LPP: variants seen among roughly 807,000 people sequenced by gnomAD.
LPP encodes the protein LIM domain containing preferred translocation partner in lipoma.
In LPP, 38 loss-of-function variants were observed where a neutral mutation model predicts 60.4. The observed-to-expected ratio is 0.63, with a 90% CI of 0.49 to 0.83. The LOEUF is 0.83. Among genes scored for constraint, LPP ranks in the 40% least tolerant of loss-of-function variants. The pLI, the probability that LPP is intolerant of heterozygous loss-of-function variation, is 0.00. For missense variants in LPP, 902 were observed against 783.6 expected, an observed-to-expected ratio of 1.15 and a Z score of -1.80; for synonymous variants, 328 against 290.8, an observed-to-expected ratio of 1.13 and a Z score of -1.30.
At position 188,154,177 on chromosome 3, in the gene LPP, C is replaced by T; in HGVS notation, c.-265C>T. 4.6e-6 allele frequency: 1 copy of T among 217,264 alleles called. No homozygotes were observed. Among genetic ancestry groups the T allele is most frequent in the Non-Finnish European group, 8.9e-6 (1 of 112,902 alleles). The allele number at this position is 217,264 out of a possible 1,614,324, so 13.5% of individuals were successfully genotyped here. On this transcript the variant is annotated 5_prime_UTR_variant, in exon 1 of 12. Coordinates refer to ENST00000617246, the MANE Select transcript of LPP (RefSeq NM_001375462.1). Reference sequence around the variant, plus strand: ...CGGGCACCTCCTCCTCTGCCTCTGCCTCCGCCTCCAGCCGCCGCCGCCGCC... The same window carrying T: ...CGGGCACCTCCTCCTCTGCCTCTGCTTCCGCCTCCAGCCGCCGCCGCCGCC...
At chr3:188,499,861 AT>A (rs1203495956) in intron 5 of LPP, among the ~76,000 whole-genome samples, 1 of 151,846 alleles carries the variant, frequency 6.6e-6, no homozygotes, top group East Asian at 1.9e-4. Flanking sequence ...TTTGTCTTTT[AT>A]TTTTTGATGC....
chr3:188,717,793 T>G lies in LPP; in HGVS notation c.1240+9400T>G, dbSNP rs543647721. 4.6e-5 allele frequency among the ~76,000 whole-genome samples: 7 copies of G among 152,346 alleles called. No homozygotes were observed. In the East Asian group the frequency reaches 1.3e-3, roughly 29 times the overall value. On this transcript the variant is annotated intron_variant, in intron 8 of 11. Transcript: ENST00000617246. ...TGTTCTATCTTAGCATACATTAATTTTTTATTAATTTGGCTAGTGTGTTTG... is the reference window on the plus strand; with the variant it reads ...TGTTCTATCTTAGCATACATTAATTGTTTATTAATTTGGCTAGTGTGTTTG...
intron 11 of LPP, among the ~76,000 whole-genome samples, 159 bp from the exon 12 acceptor site, chr3:188,874,192 T>G (rs1000242403): frequency 6.6e-6 from 1 of 152,198 alleles, no homozygotes; most frequent in Non-Finnish European, 1.5e-5. Flanking sequence ...TGTTATATAT[T>G]GGGAGAAAGG....
At chr3:188,371,393 C>T (rs947195679) in intron 3 of LPP, among the ~76,000 whole-genome samples, 2 of 151,416 alleles carry the variant, frequency 1.3e-5, no homozygotes, top group Non-Finnish European at 2.9e-5. Flanking sequence ...AAACCTCATA[C>T]TCTGAAGAGG....
intron 7 of LPP, among the ~76,000 whole-genome samples, chr3:188,636,525 C>A (rs546763024): frequency 2.6e-5 from 4 of 152,112 alleles, no homozygotes; most frequent in Non-Finnish European, 5.9e-5. Flanking sequence ...ACAAAGCAGC[C>A]AGGAAGCTCG....
In LPP at chr3:188,880,787, A is replaced by C. The variant is rs1462249400; in HGVS notation, c.*6308A>C. On this transcript the variant is annotated 3_prime_UTR_variant, in exon 12 of 12. Coordinates refer to ENST00000617246, the MANE Select transcript of LPP (RefSeq NM_001375462.1). The stretch of plus-strand genomic sequence containing the variant: ...TACGAATGGAATGTTCTACCAAGAA[A>C]GAGAAGCATCACCATGTCATCTTGT... 5.5e-6 allele frequency: 1 copy of C among 181,388 alleles called. No individual in the cohort carries two copies. Among genetic ancestry groups the C allele is most frequent in the African/African-American group, 2.4e-5 (1 of 42,426 alleles). The allele number at this position is 181,388 out of a possible 1,614,324, so 11.2% of individuals were successfully genotyped here. A position where few individuals can be genotyped will look rare whatever the true frequency, so the allele number is the denominator to read the frequency against.
chr3:188,870,806 T>A (rs1767921014), intron 10 of LPP, among the ~76,000 whole-genome samples: 2 of 152,190 alleles, frequency 1.3e-5, no homozygotes, highest in Admixed American at 1.3e-4. Flanking sequence ...TTCGCTTTGG[T>A]TTTTCTCATT....
intron 7 of LPP, among the ~76,000 whole-genome samples, chr3:188,613,297 T>TCTATAC (rs1560643827): frequency 5.0e-5 from 7 of 140,668 alleles, no homozygotes; most frequent in Admixed American, 1.4e-4. Context: ...TATATCTATA[T>TCTATAC]CTATATCTAT....
At chr3:188,669,315 A>G (rs568050430) in intron 7 of LPP, among the ~76,000 whole-genome samples, 33 of 152,234 alleles carry the variant, frequency 2.2e-4, no homozygotes, top group South Asian at 1.9e-3. Context: ...GATGGCTCAC[A>G]CCTGTAATCC....
chr3:188,154,322 C>T (rs1156269132), intron 1 of LPP, among the ~76,000 whole-genome samples, 70 bp downstream of exon 1: 3 of 152,212 alleles, frequency 2.0e-5, no homozygotes, highest in Admixed American at 6.5e-5. Context: ...CAGCCCTCCC[C>T]CGGCGCGAGC....
At chr3:188,213,740 A>G (rs1026330478) in intron 1 of LPP, among the ~76,000 whole-genome samples, 2 of 151,840 alleles carry the variant, frequency 1.3e-5, no homozygotes, top group African/African-American at 4.8e-5. Context: ...TTTGCTCCCT[A>G]TATCTTTCTC....
chr3:188,249,902 T>TA (rs1491332868), intron 2 of LPP, among the ~76,000 whole-genome samples: 2,953 of 80,414 alleles, frequency 0.037, 68 homozygotes, highest in African/African-American at 0.13. Context: ...TATATATATA[T>TA]TTTTTTTTTT....
At chr3:188,519,516 A>G (rs1405136120) in intron 5 of LPP, among the ~76,000 whole-genome samples, 1 of 152,238 alleles carries the variant, frequency 6.6e-6, no homozygotes, top group Non-Finnish European at 1.5e-5. Context: ...AACAGTAGAT[A>G]AAAGAACACT....
At chr3:188,771,351 C>T (rs533204640) in intron 9 of LPP, among the ~76,000 whole-genome samples, 1 of 151,988 alleles carries the variant, frequency 6.6e-6, no homozygotes, top group Non-Finnish European at 1.5e-5. Context: ...GAGTTCGAGA[C>T]CAGACTGGCT....
At chr3:188,226,481 G>C (rs905436209) in intron 2 of LPP, among the ~76,000 whole-genome samples, 1 of 152,120 alleles carries the variant, frequency 6.6e-6, no homozygotes, top group Non-Finnish European at 1.5e-5. Flanking sequence ...ACTTTCCCTT[G>C]TGTTTTGGTG....
chr3:188,313,364 G>T (rs1754058067), intron 2 of LPP, among the ~76,000 whole-genome samples: 1 of 150,630 alleles, frequency 6.6e-6, no homozygotes, highest in South Asian at 2.1e-4. Context: ...TTCTGGCTGG[G>T]CGTGGTGGCT....
intron 3 of LPP, among the ~76,000 whole-genome samples, chr3:188,391,627 A>T (rs574553548): frequency 6.6e-6 from 1 of 152,144 alleles, no homozygotes; most frequent in Non-Finnish European, 1.5e-5. Flanking sequence ...TGAATCACAA[A>T]ACTGCACAAA....
chr3:188,274,012 C>T lies in LPP; in HGVS notation c.-67+48485C>T, dbSNP rs575005292. On this transcript the variant is annotated intron_variant, in intron 2 of 11. Coordinates refer to ENST00000617246, the MANE Select transcript of LPP (RefSeq NM_001375462.1). The stretch of plus-strand genomic sequence containing the variant: ...TCAATAGTAACTTTCAAATGCCACC[C>T]TTACATGGCTTTATGAAAAGTAAAC... 6.2e-4 allele frequency among the ~76,000 whole-genome samples: 95 copies of T among 152,150 alleles called. 2 individuals carry two copies. The highest frequency in any genetic ancestry group is 6.8e-4 in the Non-Finnish European group (46 of 68,010).
intron 8 of LPP, among the ~76,000 whole-genome samples, chr3:188,750,572 G>A (rs1727743283): frequency 6.6e-6 from 1 of 152,130 alleles, no homozygotes; most frequent in African/African-American, 2.4e-5. Context: ...GGCAGAGGTT[G>A]CAGTGAGCCA....
Sources: gnomAD v4.1 joint callset for allele counts (sites outside exome capture counted in the v4.1 genomes callset) on GRCh38, gnomAD v4.1.1 for gene constraint, MANE v1.5 for transcripts, NCBI Gene and HGNC (gene_info 2026-07-23, HGNC 2026-07-21) for gene names.